Variants in PCTP observed in about 807,000 individuals in gnomAD.
PCTP encodes the protein phosphatidylcholine transfer protein, also known as START domain-containing protein 2.
A neutral mutation model predicts 31.0 loss-of-function variants in PCTP; 27 were observed. That is an observed-to-expected ratio of 0.87 (90% confidence interval 0.64 to 1.20). The LOEUF (loss-of-function observed/expected upper bound fraction) is 1.20. PCTP is among the 50% of genes most tolerant of loss of function. PCTP has a pLI of 0.00. For missense variants in PCTP, 287 were observed against 268.2 expected, an observed-to-expected ratio of 1.07 and a Z score of -0.49; for synonymous variants, 108 against 101.2, an observed-to-expected ratio of 1.07 and a Z score of -0.40.
chr17:55,780,581 C>T (rs1321097362), downstream of PCTP, among the ~76,000 whole-genome samples: 1 of 152,164 alleles, frequency 6.6e-6, no homozygotes, highest in Admixed American at 6.5e-5. Flanking sequence ...AGAATCTGCC[C>T]CACATTCATG....
chr17:55,780,090 CTTT>C (rs59816865), downstream of PCTP, among the ~76,000 whole-genome samples: 630 of 138,860 alleles, frequency 4.5e-3, 6 homozygotes, highest in African/African-American at 0.015. Flanking sequence ...CAAGGAAGAA[CTTT>C]TTTTTTTTTT....
chr17:55,775,716 T>A, intron 5 of PCTP: 1 of 1,223,960 alleles, frequency 8.2e-7, no homozygotes, highest in Non-Finnish European at 1.0e-6. Flanking sequence ...TTTGGAAGAA[T>A]GTAACAATCC....
chr17:55,842,153 T>C (rs1906004269), intron 5 of PCTP, among the ~76,000 whole-genome samples: 1 of 147,844 alleles, frequency 6.8e-6, no homozygotes, highest in Non-Finnish European at 1.5e-5. Flanking sequence ...CAACAGGCAA[T>C]AAACAATAAC....
intron 5 of PCTP, among the ~76,000 whole-genome samples, chr17:55,829,009 G>A (rs1905504314): frequency 1.3e-5 from 2 of 152,212 alleles, no homozygotes; most frequent in South Asian, 4.2e-4. Flanking sequence ...GAACAAAGGA[G>A]CAGACACCTG....
intron 1 of PCTP, among the ~76,000 whole-genome samples, chr17:55,766,697 T>C (rs1910681326): frequency 6.6e-6 from 1 of 152,174 alleles, no homozygotes. Context: ...GTCTTTGCTA[T>C]TGTGAATAGA....
At chr17:55,786,309 A>T (rs1911743088) in intron 2 of PCTP, among the ~76,000 whole-genome samples, 1 of 152,178 alleles carries the variant, frequency 6.6e-6, no homozygotes, top group Non-Finnish European at 1.5e-5. Context: ...TAAAATAGCC[A>T]TGTGTGATAG....
rs190789421 is a variant in PCTP at position 55,831,247 on chromosome 17, G to T, written n.505+8320G>T. ...TCTCAGCTGCTCTCCTAACTCCAGG[G>T]TATAATTATCCTTGTACTTAATTGG... On this transcript the variant is annotated intron_variant and non_coding_transcript_variant, in intron 5 of 5. Transcript: ENST00000576221. Among the ~76,000 whole-genome samples, 47 of 152,296 alleles carry T rather than the reference G, an allele frequency of 3.1e-4. No individual in the cohort carries two copies. The East Asian group carries it at 7.7e-3, about 25-fold the overall frequency.
chr17:55,812,997 G>GTTC (rs1912803461), intron 3 of PCTP, among the ~76,000 whole-genome samples: 1 of 152,148 alleles, frequency 6.6e-6, no homozygotes, highest in Non-Finnish European at 1.5e-5. Context: ...CCTGGAAATG[G>GTTC]GAGCTGCTCC....
intron 3 of PCTP, among the ~76,000 whole-genome samples, chr17:55,792,597 A>G (rs60061306): frequency 0.027 from 4,137 of 152,246 alleles, 188 homozygotes; most frequent in African/African-American, 0.095. Context: ...GTCAGCAGGT[A>G]CTTCTTAGAG....
intron 1 of PCTP, among the ~76,000 whole-genome samples, chr17:55,753,698 C>T (rs931531763): frequency 6.6e-6 from 1 of 152,178 alleles, no homozygotes; most frequent in East Asian, 1.9e-4. Context: ...TCTCCCATTA[C>T]CATAGACCTG....
At chr17:55,820,150 TAAAC>T (rs1913068987) in intron 3 of PCTP, among the ~76,000 whole-genome samples, 3 of 152,126 alleles carry the variant, frequency 2.0e-5, no homozygotes, top group Middle Eastern at 3.4e-3. Flanking sequence ...AGCAAAAAAA[TAAAC>T]AAAATAGATA....
the PCTP span, among the ~76,000 whole-genome samples, chr17:55,852,227 A>G: frequency 1.3e-5 from 2 of 152,206 alleles, no homozygotes; most frequent in South Asian, 4.1e-4. Context: ...TTTGAAGAAT[A>G]AGACAAGAGT....
intron 3 of PCTP, among the ~76,000 whole-genome samples, chr17:55,810,266 C>T (rs1452138870): frequency 6.6e-6 from 1 of 152,218 alleles, no homozygotes; most frequent in African/African-American, 2.4e-5. Flanking sequence ...ATCCTCCTGC[C>T]TTGGCTTCCC....
downstream of PCTP, among the ~76,000 whole-genome samples, chr17:55,843,039 T>C (rs982764964): frequency 1.3e-5 from 2 of 152,134 alleles, no homozygotes; most frequent in African/African-American, 4.8e-5. Flanking sequence ...CATGGCCCTG[T>C]AAACACATTA....
chr17:55,816,025 T>A (rs1344178498), intron 3 of PCTP, among the ~76,000 whole-genome samples: 1 of 152,234 alleles, frequency 6.6e-6, no homozygotes, highest in Non-Finnish European at 1.5e-5. Flanking sequence ...GCTGTCTACC[T>A]GAAATTACTA....
At chr17:55,845,887 G>GGT (rs34179575), downstream of PCTP, among the ~76,000 whole-genome samples, 24,436 of 142,836 alleles carry the variant, frequency 0.17, 1,959 homozygotes, top group Non-Finnish European at 0.18. Context: ...AGAGGGTTGG[G>GGT]GTGTGTGTGT....
chr17:55,822,127 G>T (rs1411351170), intron 3 of PCTP, among the ~76,000 whole-genome samples: 1 of 152,150 alleles, frequency 6.6e-6, no homozygotes, highest in Non-Finnish European at 1.5e-5. Context: ...CTGCTTCCTA[G>T]TTCCAAGAAA....
At chr17:55,793,512 A>G (rs139445876) in intron 3 of PCTP, among the ~76,000 whole-genome samples, 5 of 152,158 alleles carry the variant, frequency 3.3e-5, no homozygotes, top group Admixed American at 6.6e-5. Context: ...ACCACTTCCT[A>G]CAGAGAGAGT....
chr17:55,797,301 G>A (rs1369911223), intron 3 of PCTP, among the ~76,000 whole-genome samples: 3 of 152,000 alleles, frequency 2.0e-5, no homozygotes, highest in Non-Finnish European at 4.4e-5. Context: ...GGGCTAAAAG[G>A]AGAGGTGCAG....
Sources: gnomAD v4.1 joint callset for allele counts (sites outside exome capture counted in the v4.1 genomes callset) on GRCh38, gnomAD v4.1.1 for gene constraint, MANE v1.5 for transcripts, NCBI Gene and HGNC (gene_info 2026-07-23, HGNC 2026-07-21) for gene names.